The following SNTG1 variants were observed in gnomAD, a reference collection of about 807,000 sequenced individuals.
SNTG1 encodes the protein gamma-1-syntrophin.
In SNTG1, 39 loss-of-function variants were observed where a neutral mutation model predicts 74.7. That is an observed-to-expected ratio of 0.52 (90% CI 0.40 to 0.68). The LOEUF (loss-of-function observed/expected upper bound fraction) is 0.68, where lower values mean the gene tolerates loss of function less well. SNTG1 is among the 30% of genes least tolerant of loss of function. SNTG1 has a pLI of 0.00. For missense variants in SNTG1, 685 were observed against 609.5 expected, an observed-to-expected ratio of 1.12 and a Z score of -1.30; for synonymous variants, 254 against 217.1, an observed-to-expected ratio of 1.17 and a Z score of -1.49.
intron 15 of SNTG1, among the ~76,000 whole-genome samples, chr8:50,681,231 T>C (rs1198610759): frequency 6.6e-6 from 1 of 151,638 alleles, no homozygotes; most frequent in African/African-American, 2.4e-5. Flanking sequence ...GGTTACATGC[T>C]TATGTTTTTT....
chr8:50,291,116 C>T (rs1160162785), intron 2 of SNTG1, among the ~76,000 whole-genome samples: 1 of 152,118 alleles, frequency 6.6e-6, no homozygotes, highest in Non-Finnish European at 1.5e-5. Flanking sequence ...TGAGCATTTG[C>T]AGTGCAATCT....
At chr8:50,450,801 T>G (rs1048332884) in intron 8 of SNTG1, 72 bp downstream of exon 8, 5 of 1,413,696 alleles carry the variant, frequency 3.5e-6, no homozygotes, top group Non-Finnish European at 4.9e-6. Context: ...TGCTAAAGAC[T>G]GTCACTTCAT....
chr8:50,403,174 A>G lies in SNTG1; in HGVS notation c.162+830A>G, dbSNP rs146153537. ...GTAGTCTGCTCCCTGCTTTCCCCAA[A>G]CATCTGCAACTATTTAGCATGGAGA... is the stretch of plus-strand genomic sequence containing the variant. On this transcript the variant is annotated intron_variant, in intron 4 of 18. Transcript: ENST00000642720. Among the ~76,000 whole-genome samples the G allele has an allele frequency of 4.9e-4, 75 of 152,280 alleles. 1 individual carries two copies. The highest frequency in any genetic ancestry group is 3.2e-4 in the Non-Finnish European group (22 of 68,022).
chr8:50,236,681 A>T (rs1005175687), intron 2 of SNTG1, among the ~76,000 whole-genome samples: 1 of 151,906 alleles, frequency 6.6e-6, no homozygotes, highest in Non-Finnish European at 1.5e-5. Flanking sequence ...CGATCTCCTG[A>T]CCTTGTGATC....
intron 11 of SNTG1, among the ~76,000 whole-genome samples, chr8:50,541,627 C>G (rs1563547540): frequency 1.3e-5 from 2 of 151,952 alleles, no homozygotes; most frequent in East Asian, 3.9e-4. Flanking sequence ...TTACAATATC[C>G]ATCATCTTAG....
At chr8:50,233,015 T>C (rs778618502) in intron 2 of SNTG1, among the ~76,000 whole-genome samples, 2 of 151,642 alleles carry the variant, frequency 1.3e-5, no homozygotes, top group African/African-American at 2.4e-5. Context: ...TTTAATGAAA[T>C]TCCTGCCAAA....
At chr8:50,775,864 C>A in intron 18 of SNTG1, among the ~76,000 whole-genome samples, 1 of 151,110 alleles carries the variant, frequency 6.6e-6, no homozygotes, top group East Asian at 1.9e-4. Context: ...ATTAATTAAT[C>A]TGTCTCATTT....
At chr8:50,232,486 A>G (rs914098729) in intron 2 of SNTG1, among the ~76,000 whole-genome samples, 2 of 151,476 alleles carry the variant, frequency 1.3e-5, no homozygotes, top group Non-Finnish European at 3.0e-5. Flanking sequence ...CTAACTTCAT[A>G]CATAATGGTG....
intron 1 of SNTG1, among the ~76,000 whole-genome samples, chr8:49,994,564 CAAGATCAT>C (rs1814021254): frequency 6.6e-6 from 1 of 151,880 alleles, no homozygotes; most frequent in Non-Finnish European, 1.5e-5. Context: ...CGTGCCTGGC[CAAGATCAT>C]TATTCTTATA....
Position 50,485,485 on chromosome 8 carries a change from T to C in SNTG1, c.364-17293T>C, listed in dbSNP as rs149968925. On this transcript the variant is annotated intron_variant, in intron 8 of 18. Transcript: ENST00000642720. ...TAGAACTTCTTTTGAGAAGTGTCTGTTCATGTCCTTCACCCACTTTTTGAT... is the reference window on the plus strand; with the variant it reads ...TAGAACTTCTTTTGAGAAGTGTCTGCTCATGTCCTTCACCCACTTTTTGAT... Among the ~76,000 whole-genome samples, 689 of 152,310 alleles carry C rather than the reference T, an allele frequency of 4.5e-3. 11 individuals are homozygous for C. Among genetic ancestry groups the C allele is most frequent in the East Asian group, 0.042 (216 of 5,180 alleles).
At chr8:50,201,270 ATC>A (rs1242430439) in intron 2 of SNTG1, among the ~76,000 whole-genome samples, 1 of 152,152 alleles carries the variant, frequency 6.6e-6, no homozygotes, top group African/African-American at 2.4e-5. Context: ...TGTGGCTGAA[ATC>A]TCTCTTTTTC....
chr8:50,109,655 G>T (rs2080506749), intron 1 of SNTG1, among the ~76,000 whole-genome samples: 1 of 152,166 alleles, frequency 6.6e-6, no homozygotes, highest in African/African-American at 2.4e-5. Context: ...AAGTCCAGGT[G>T]TTATCAGGAA....
rs965129861 is a variant in SNTG1 at position 50,486,876 on chromosome 8, G to A, written c.364-15902G>A. On this transcript the variant is annotated intron_variant, in intron 8 of 18. Transcript: ENST00000642720. ...TTAGCATGAAGCGTTGTTGAATTTTGTCAAAGGCCTTTTCTGCATCTATTG... is the reference window on the plus strand; with the variant it reads ...TTAGCATGAAGCGTTGTTGAATTTTATCAAAGGCCTTTTCTGCATCTATTG... Among the ~76,000 whole-genome samples, 29 of 152,246 alleles carry A rather than the reference G, an allele frequency of 1.9e-4. 1 individual carries two copies. In the South Asian group the frequency reaches 2.1e-3, roughly 11 times the overall value.
intron 1 of SNTG1, among the ~76,000 whole-genome samples, chr8:50,085,234 A>C (rs1052142254): frequency 7.2e-5 from 11 of 152,184 alleles, no homozygotes; most frequent in African/African-American, 2.4e-4. Context: ...CAGAACAAAC[A>C]ATTTAGAGCA....
At chr8:50,632,186 T>C (rs1446449828) in intron 13 of SNTG1, among the ~76,000 whole-genome samples, 4 of 152,092 alleles carry the variant, frequency 2.6e-5, no homozygotes, top group African/African-American at 7.2e-5. Flanking sequence ...TATAGTTACA[T>C]TCTAGCCTTA....
intron 4 of SNTG1, among the ~76,000 whole-genome samples, chr8:50,409,405 A>G (rs774844668): frequency 6.6e-6 from 1 of 152,296 alleles, no homozygotes; most frequent in South Asian, 2.1e-4. Flanking sequence ...ACACAGTTGA[A>G]GTTTTAGCAT....
intron 2 of SNTG1, among the ~76,000 whole-genome samples, chr8:50,369,026 T>G (rs2092199995): frequency 6.6e-6 from 1 of 152,168 alleles, no homozygotes; most frequent in African/African-American, 2.4e-5. Flanking sequence ...AGTATGAGAC[T>G]TTGGCCTTTA....
In SNTG1 at chr8:50,608,026, A is replaced by AT. The variant is rs1391462331; in HGVS notation, c.849+17115dup. On this transcript the variant is annotated intron_variant, in intron 13 of 18. Transcript: ENST00000642720. ...TTTTTGGAGCTCCCCTATTTTATTT[A>AT]TTTTTTAAGTATTTCTAATTTAATT... is the stretch of plus-strand genomic sequence containing the variant. Among the ~76,000 whole-genome samples the AT allele has an allele frequency of 2.0e-5, 3 of 151,504 alleles. No homozygotes were observed. The East Asian group carries it at 5.8e-4, about 29-fold the overall frequency.
intron 2 of SNTG1, among the ~76,000 whole-genome samples, chr8:50,325,578 T>TTGCTA (rs1425316621): frequency 6.6e-6 from 1 of 152,074 alleles, no homozygotes; most frequent in Non-Finnish European, 1.5e-5. Flanking sequence ...TCCTGCAAGC[T>TTGCTA]TGCTATATTA....
Sources: allele counts gnomAD v4.1 joint callset (sites outside exome capture counted in the v4.1 genomes callset), GRCh38; gene constraint gnomAD v4.1.1; transcripts MANE v1.5; gene names NCBI Gene and HGNC (gene_info 2026-07-23, HGNC 2026-07-21).